The following USP40 variants were observed in gnomAD, a reference collection of about 807,000 sequenced individuals.
USP40 encodes ubiquitin specific peptidase 40, also known as ubiquitin carboxyl-terminal hydrolase 40.
A neutral mutation model predicts 166.2 loss-of-function variants in USP40; 143 were observed. The ratio of observed to expected loss-of-function variants is 0.86; its 90% confidence interval spans 0.75 to 0.99. The LOEUF is 0.99. Among genes scored for constraint, USP40 ranks in the 50% least tolerant of loss-of-function variants. The probability of loss-of-function intolerance (pLI) is 0.00; values close to 1 mark genes in which losing one functional copy is unlikely to be tolerated. For missense variants in USP40, 1,444 were observed against 1,479.7 expected (o/e 0.98, Z 0.40); for synonymous variants, 498 against 524.0 (o/e 0.95, Z 0.68).
At chr2:233,560,955 A>G (rs1369851091) in intron 3 of USP40, 11 of 709,156 alleles carry the variant, frequency 1.6e-5, no homozygotes, top group Non-Finnish European at 5.2e-6. Flanking sequence ...ATAAAGCAGT[A>G]GCAGTATTGT....
intron 24 of USP40, among the ~76,000 whole-genome samples, chr2:233,494,918 A>C (rs6431465): frequency 2.3e-5 from 1 of 44,412 alleles, no homozygotes; most frequent in East Asian, 5.8e-4. Flanking sequence ...AAAATGGCAT[A>C]TATATATATA....
intron 27 of USP40, among the ~76,000 whole-genome samples, 157 bp from the exon 28 acceptor site, chr2:233,488,461 A>G (rs1386626101): frequency 1.3e-5 from 2 of 152,188 alleles, no homozygotes; most frequent in African/African-American, 2.4e-5. Flanking sequence ...AAAAATGAGA[A>G]TCCTTGCTGC....
intron 25 of USP40, among the ~76,000 whole-genome samples, chr2:233,491,722 A>G (rs1270305961): frequency 1.3e-5 from 2 of 152,118 alleles, no homozygotes; most frequent in East Asian, 3.8e-4. Flanking sequence ...TTGTCTCCCC[A>G]GTTCCTGGTA....
chr2:233,496,305 T>G (rs955520328), intron 24 of USP40, among the ~76,000 whole-genome samples: 2 of 152,362 alleles, frequency 1.3e-5, no homozygotes. Flanking sequence ...CCCTCTCATA[T>G]GCTACTGCAT....
In USP40 at chr2:233,523,335, G is replaced by A. The variant is rs72982324; in HGVS notation, c.2036C>T (p.Thr679Ile). The change falls in exon 16 of 32, where the codon ACA becomes ATA. Residue 679 changes from threonine to isoleucine, a missense_variant. Physicochemically the swap from Thr to Ile is moderately conservative, Grantham distance 89 (BLOSUM62 -1). Transcript: ENST00000678225. ...PANAEVGTVLTALAIPAGVIF... is the reference protein window; with the variant it reads ...PANAEVGTVLIALAIPAGVIF... ...GACACCTGCTGGGATTGCTAAGGCTGTGAGGACAGTGCCCACTTCTGCATT... is the reference window on the plus strand; with the variant it reads ...GACACCTGCTGGGATTGCTAAGGCTATGAGGACAGTGCCCACTTCTGCATT... The A allele has an allele frequency of 3.1e-5, 50 of 1,613,930 alleles. No homozygotes were observed. The highest frequency in any genetic ancestry group is 4.0e-5 in the African/African-American group (3 of 74,930).
chr2:233,485,548 C>G lies in USP40; in HGVS notation c.3487G>C (p.Asp1163His). The G allele has an allele frequency of 1.2e-6, 2 of 1,613,882 alleles. No homozygotes were observed. The highest frequency in any genetic ancestry group is 1.7e-6 in the Non-Finnish European group (2 of 1,179,834). Residue 1163 changes from aspartate to histidine, a missense_variant, in exon 30 of 32, where the codon GAT (aspartate) becomes CAT (histidine). Transcript: ENST00000678225. ...CAACTTACCTTAACACCAATAGTAT[C>G]TCCGTCTTTCAAGTAATACGGTGCC... ...QGAPYYLKDG[D>H]TIGVKNLLID...
intron 11 of USP40, among the ~76,000 whole-genome samples, chr2:233,531,078 T>C (rs1377301357): frequency 6.6e-6 from 1 of 152,206 alleles, no homozygotes; most frequent in Non-Finnish European, 1.5e-5. Flanking sequence ...GTTATTTCCC[T>C]AGCAAATAAC....
chr2:233,552,341 T>G (rs1222299222), intron 6 of USP40, among the ~76,000 whole-genome samples: 2 of 152,084 alleles, frequency 1.3e-5, no homozygotes, highest in Non-Finnish European at 2.9e-5. Flanking sequence ...GAGAAAAGAC[T>G]GCTTAGGACA....
Position 233,529,447 on chromosome 2 carries a change from C to A in USP40, c.1537G>T (p.Glu513Ter). Residue 513 changes from glutamate (E) to a stop codon, truncating the protein, a stop_gained, in exon 12 of 32, where the codon GAA (glutamate) becomes TAA (stop). Transcript: ENST00000678225. LOFTEE classifies it high-confidence loss of function. ...TAAAATTACCTTTTGGTTTGCAGTTCAATGTTAGCTGCATCCATTTCATTC... is the reference window on the plus strand; with the variant it reads ...TAAAATTACCTTTTGGTTTGCAGTTAAATGTTAGCTGCATCCATTTCATTC... Reference protein sequence around the residue: ...LLNEMDAANIELQTKRAECDS... With the variant: ...LLNEMDAANI 6.4e-7 allele frequency: 1 copy of A among 1,574,734 alleles called. No individual in the cohort carries two copies. Among genetic ancestry groups the A allele is most frequent in the South Asian group, 1.2e-5 (1 of 86,054 alleles).
chr2:233,525,593 G>T, intron 13 of USP40, 31 bp from the exon 14 acceptor site: 2 of 1,546,768 alleles, frequency 1.3e-6, no homozygotes, highest in Non-Finnish European at 1.8e-6. Flanking sequence ...AAAAGAGAAT[G>T]TTGAAAAGTG....
intron 26 of USP40, among the ~76,000 whole-genome samples, chr2:233,490,843 A>G (rs780481333): frequency 4.6e-5 from 7 of 152,210 alleles, no homozygotes; most frequent in South Asian, 2.1e-4. Context: ...ATGTAAATAA[A>G]GGGATAAAGT....
intron 24 of USP40, among the ~76,000 whole-genome samples, chr2:233,495,253 A>C (rs985670831): frequency 6.6e-6 from 1 of 151,908 alleles, no homozygotes; most frequent in Non-Finnish European, 1.5e-5. Context: ...GCAAATAAAA[A>C]GGAATAAATC....
chr2:233,501,435 T>C (rs2066064738), intron 21 of USP40, among the ~76,000 whole-genome samples: 1 of 152,222 alleles, frequency 6.6e-6, no homozygotes, highest in Non-Finnish European at 1.5e-5. Context: ...TAGGAGTGAC[T>C]AATCTCTCTT....
intron 6 of USP40, among the ~76,000 whole-genome samples, chr2:233,553,313 A>G (rs2070752708): frequency 1.3e-5 from 2 of 152,242 alleles, no homozygotes; most frequent in African/African-American, 4.8e-5. Flanking sequence ...AAAAGGAAAT[A>G]TAAATGAATG....
chr2:233,520,634 C>T (rs985533418), intron 17 of USP40, among the ~76,000 whole-genome samples: 1 of 152,102 alleles, frequency 6.6e-6, no homozygotes, highest in East Asian at 1.9e-4. Flanking sequence ...AAAACCAAAA[C>T]ATATGTATAC....
At chr2:233,494,979 T>TATATATATATATATATAC (rs1197969295) in intron 24 of USP40, among the ~76,000 whole-genome samples, 1 of 74,932 alleles carries the variant, frequency 1.3e-5, no homozygotes, top group South Asian at 3.7e-4. Flanking sequence ...TATATATATA[T>TATATATATATATATATAC]ACACACACAT....
At chr2:233,515,270 G>A (rs777089093) in intron 18 of USP40, among the ~76,000 whole-genome samples, 12 of 152,154 alleles carry the variant, frequency 7.9e-5, no homozygotes, top group Non-Finnish European at 1.5e-4. Flanking sequence ...ATTGGTAAGT[G>A]GATGTTTAAA....
chr2:233,485,437 A>G, intron 30 of USP40, 94 bp downstream of exon 30: 1 of 969,850 alleles, frequency 1.0e-6, no homozygotes. Flanking sequence ...AAAATGGGAT[A>G]ATCTGTGTCT....
chr2:233,505,951 G>A (rs759873169), intron 21 of USP40, among the ~76,000 whole-genome samples: 10 of 151,980 alleles, frequency 6.6e-5, no homozygotes, highest in East Asian at 1.9e-4. Context: ...TAACAAGCAC[G>A]TTAAAAAGAC....
Sources: allele counts gnomAD v4.1 joint callset (sites outside exome capture counted in the v4.1 genomes callset), GRCh38; gene constraint gnomAD v4.1.1; transcripts MANE v1.5; gene names NCBI Gene and HGNC (gene_info 2026-07-23, HGNC 2026-07-21).